The following SUN3 variants were observed in gnomAD, a reference collection of about 807,000 sequenced individuals.
SUN3 encodes the protein Sad1 and UNC84 domain containing 3.
SUN3 carries 36 observed loss-of-function variants against 48.2 expected under a neutral mutation model. The ratio of observed to expected loss-of-function variants is 0.75; its 90% CI spans 0.57 to 0.99. SUN3 has a LOEUF of 0.99. SUN3 is among the 50% of genes least tolerant of loss of function. SUN3 has a pLI of 0.00. For missense variants in SUN3, 419 were observed against 433.1 expected, an observed-to-expected ratio of 0.97 and a Z score of 0.29; for synonymous variants, 148 against 147.9, an observed-to-expected ratio of 1.00 and a Z score of 0.00.
upstream of SUN3, chr7:48,029,218 C>A: frequency 2.6e-6 from 1 of 387,582 alleles, no homozygotes. Flanking sequence ...CTAATTGTAC[C>A]ATATGTCACA....
Position 48,028,867 on chromosome 7 carries a change from G to T in SUN3, c.72C>A (p.Ser24Arg), listed in dbSNP as rs183761311. Residue 24 changes from serine (S) to arginine (R), a missense_variant, in exon 1 of 10, where the codon AGC becomes AGA. Ser to Arg is a moderately radical substitution (Grantham distance 110). Coordinates refer to ENST00000297325, the MANE Select transcript of SUN3 (RefSeq NM_001030019.2). ...FRRCSEDASGSASGNALLSED... is the reference protein window; with the variant it reads ...FRRCSEDASGRASGNALLSED... The stretch of plus-strand genomic sequence containing the variant: ...CTGATAACAAAGCATTGCCACTGGC[G>T]CTACCGCTGGCGTCTTCAGAGCAAC... 1 of 1,613,832 alleles carries T rather than the reference G, an allele frequency of 6.2e-7. No homozygotes were observed. The highest frequency in any genetic ancestry group is 2.2e-5 in the East Asian group (1 of 44,878).
chr7:48,011,872 T>C (rs1007015214), intron 3 of SUN3, among the ~76,000 whole-genome samples: 3 of 152,216 alleles, frequency 2.0e-5, no homozygotes, highest in Non-Finnish European at 4.4e-5. Flanking sequence ...AGTTGGAACC[T>C]ACTCGTGCCT....
chr7:48,014,734 G>T (rs1789765124), intron 3 of SUN3, among the ~76,000 whole-genome samples: 1 of 152,200 alleles, frequency 6.6e-6, no homozygotes, highest in African/African-American at 2.4e-5. Context: ...GTTCTCTAGA[G>T]AAATGGAACC....
intron 2 of SUN3, among the ~76,000 whole-genome samples, chr7:48,019,207 T>C (rs1218340600): frequency 6.6e-6 from 1 of 151,894 alleles, no homozygotes; most frequent in East Asian, 1.9e-4. Flanking sequence ...GATCAACATA[T>C]GCATTGTGGC....
intron 6 of SUN3, among the ~76,000 whole-genome samples, chr7:48,004,245 A>C (rs910653046): frequency 6.6e-6 from 1 of 152,102 alleles, no homozygotes; most frequent in Non-Finnish European, 1.5e-5. Flanking sequence ...TTTCCGTAGG[A>C]GTTTGCATGC....
chr7:48,017,163 C>T, intron 3 of SUN3, 99 bp downstream of exon 3: 1 of 634,496 alleles, frequency 1.6e-6, no homozygotes, highest in Non-Finnish European at 2.7e-6. Flanking sequence ...ATTAGATATT[C>T]TCATATAAAA....
intron 2 of SUN3, among the ~76,000 whole-genome samples, chr7:48,019,826 G>A (rs1789915880): frequency 6.6e-6 from 1 of 151,692 alleles, no homozygotes; most frequent in Non-Finnish European, 1.5e-5. Flanking sequence ...GGGACCCCAT[G>A]GCTTCACTGC....
In SUN3 at chr7:48,028,842, C is replaced by G. The variant is rs1229088173; in HGVS notation, c.97G>C (p.Glu33Gln). The change falls in exon 1 of 10, where the codon GAG becomes CAG. Residue 33 changes from glutamate (E) to glutamine (Q), a missense_variant. Glu to Gln is a conservative substitution (Grantham distance 29). Transcript: ENST00000297325. ...GSASGNALLS[E>Q]DENPDANGVT... ...CCATTCGCATCAGGATTTTCGTCCT[C>G]TGATAACAAAGCATTGCCACTGGCG... is the stretch of plus-strand genomic sequence containing the variant. The G allele has an allele frequency of 1.9e-6, 3 of 1,613,826 alleles. No homozygotes were observed. The African/African-American group carries it at 4.0e-5, about 22-fold the overall frequency.
chr7:48,026,170 C>A (rs1464059847), intron 1 of SUN3, among the ~76,000 whole-genome samples: 1 of 152,010 alleles, frequency 6.6e-6, no homozygotes, highest in African/African-American at 2.4e-5. Flanking sequence ...TACATAGAGT[C>A]ATGCCTCTTA....
intron 7 of SUN3, among the ~76,000 whole-genome samples, chr7:47,994,992 T>G (rs1192611310): frequency 6.6e-6 from 1 of 152,030 alleles, no homozygotes; most frequent in African/African-American, 2.4e-5. Flanking sequence ...GTGGTAGTGG[T>G]GATGGTGATT....
At chr7:48,019,195 T>G (rs1408917742) in intron 2 of SUN3, among the ~76,000 whole-genome samples, 4 of 151,636 alleles carry the variant, frequency 2.6e-5, no homozygotes, top group African/African-American at 9.7e-5. Flanking sequence ...CACCATGAAG[T>G]GGATCAACAT....
At chr7:48,015,900 T>C (rs1332786289) in intron 3 of SUN3, among the ~76,000 whole-genome samples, 1 of 152,126 alleles carries the variant, frequency 6.6e-6, no homozygotes, top group Non-Finnish European at 1.5e-5. Context: ...TTGATAACAG[T>C]CCTTTCCTGA....
At position 47,987,438 on chromosome 7, in the gene SUN3, A is replaced by G; in HGVS notation, c.966T>C (p.Ser322=). 6.4e-7 allele frequency: 1 copy of G among 1,566,776 alleles called. No individual in the cohort carries two copies. Among genetic ancestry groups the G allele is most frequent in the Non-Finnish European group, 8.6e-7 (1 of 1,160,082 alleles). The change falls in exon 10 of 10, where the codon TCT becomes TCC. Residue 322 remains serine (S), a synonymous_variant. Coordinates refer to ENST00000297325, the MANE Select transcript of SUN3 (RefSeq NM_001030019.2). ...TAAGTTTCACACATAATAAATATTC[A>G]GAAACTGCATGCTGAAAATAAAGAA... ...VQTFELQHAV[S]EYLLCVKLNI...
chr7:47,989,697 C>T (rs2128769023), intron 8 of SUN3, among the ~76,000 whole-genome samples: 1 of 152,244 alleles, frequency 6.6e-6, no homozygotes, highest in East Asian at 1.9e-4. Flanking sequence ...AAAGAGAGAT[C>T]AGACTGTTAC....
chr7:48,033,183 TC>T (rs1735300409), upstream of SUN3, among the ~76,000 whole-genome samples: 2 of 152,218 alleles, frequency 1.3e-5, no homozygotes, highest in Admixed American at 1.3e-4. Flanking sequence ...TATTCTTGTA[TC>T]ATGTTTTAAT....
intron 9 of SUN3, 104 bp downstream of exon 9, chr7:47,988,684 G>A (rs1198780079): frequency 3.1e-6 from 2 of 644,714 alleles, no homozygotes; most frequent in Non-Finnish European, 2.6e-6. Flanking sequence ...TGTAACTCAC[G>A]CTTTTGTCAT....
At chr7:47,990,869 A>G (rs924951602) in intron 8 of SUN3, 4 of 356,202 alleles carry the variant, frequency 1.1e-5, no homozygotes, top group Non-Finnish European at 2.2e-5. Context: ...CAAATACTCT[A>G]TGTTCTCACT....
In SUN3 at chr7:47,987,170, T is replaced by G. The variant is rs1788923457; in HGVS notation, c.*160A>C. The G allele has an allele frequency of 3.5e-6, 2 of 571,428 alleles. No homozygotes were observed. The highest frequency in any genetic ancestry group is 2.8e-6 in the Non-Finnish European group (1 of 360,694). 35.4% of individuals were successfully genotyped at this position (571,428 alleles called of 1,614,324 possible). A position where few individuals can be genotyped will look rare whatever the true frequency, so the allele number is the denominator to read the frequency against. Reference sequence around the variant, plus strand: ...ATATTTAATTTACTTCCATATTTTTTTATTAGTAAAATGCATTTACTTTTT... The same window carrying G: ...ATATTTAATTTACTTCCATATTTTTGTATTAGTAAAATGCATTTACTTTTT... On this transcript the variant is annotated 3_prime_UTR_variant, in exon 10 of 10. Coordinates refer to ENST00000297325, the MANE Select transcript of SUN3 (RefSeq NM_001030019.2).
At chr7:48,035,664 G>C in the SUN3 span, 1 of 641,758 alleles carries the variant, frequency 1.6e-6, no homozygotes, top group Non-Finnish European at 2.8e-6. The surrounding 1 kb of genome is among the most constrained non-coding windows in gnomAD (Gnocchi z 4.0). Flanking sequence ...CAATGGGGGC[G>C]CCCACTGTGG....
Sources: allele counts gnomAD v4.1 joint callset (sites outside exome capture counted in the v4.1 genomes callset), GRCh38; gene constraint gnomAD v4.1.1; non-coding constraint Gnocchi (gnomAD v3.1); transcripts MANE v1.5; gene names NCBI Gene and HGNC (gene_info 2026-07-23, HGNC 2026-07-21).